The following INPP5F variants were observed in gnomAD, a reference collection of about 807,000 sequenced individuals.
INPP5F encodes the protein inositol polyphosphate-5-phosphatase F.
INPP5F carries 97 observed loss-of-function variants against 137.2 expected under a neutral mutation model. That is an observed-to-expected ratio of 0.71 (90% CI 0.60 to 0.84). The LOEUF (loss-of-function observed/expected upper bound fraction) is 0.84, where lower values mean the gene tolerates loss of function less well. Among genes scored for constraint, INPP5F ranks in the 40% least tolerant of loss-of-function variants. The pLI is 0.00. For missense variants in INPP5F, 1,271 were observed against 1,371.9 expected, an observed-to-expected ratio of 0.93 and a Z score of 1.16; for synonymous variants, 504 against 476.9, an observed-to-expected ratio of 1.06 and a Z score of -0.74.
intron 2 of INPP5F, among the ~76,000 whole-genome samples, chr10:119,762,224 G>C (rs759729562): frequency 1.3e-5 from 2 of 152,190 alleles, no homozygotes; most frequent in Non-Finnish European, 2.9e-5. Context: ...GTCATGGACT[G>C]GGTGGCTTGT....
At chr10:119,813,918 T>C (rs1036639777) in intron 15 of INPP5F, among the ~76,000 whole-genome samples, 4 of 152,222 alleles carry the variant, frequency 2.6e-5, no homozygotes, top group African/African-American at 9.7e-5. Context: ...GACATTGTGC[T>C]TCAGTTTTCT....
At chr10:119,755,823 G>A (rs931076293) in intron 2 of INPP5F, among the ~76,000 whole-genome samples, 1 of 152,174 alleles carries the variant, frequency 6.6e-6, no homozygotes, top group South Asian at 2.1e-4. Flanking sequence ...CAGTTATTGC[G>A]AAGATTTAAT....
At chr10:119,762,711 G>A (rs1027053752) in intron 2 of INPP5F, among the ~76,000 whole-genome samples, 1 of 152,158 alleles carries the variant, frequency 6.6e-6, no homozygotes, top group Non-Finnish European at 1.5e-5. Context: ...TTTTACATAA[G>A]GGACTTGAAC....
At chr10:119,813,761 C>G (rs1055431408) in intron 15 of INPP5F, among the ~76,000 whole-genome samples, 2 of 152,148 alleles carry the variant, frequency 1.3e-5, no homozygotes, top group African/African-American at 4.8e-5. Context: ...CTTGGGGACG[C>G]TGAGTTTGGA....
chr10:119,727,494 A>G (rs977732444), intron 1 of INPP5F, among the ~76,000 whole-genome samples: 30 of 152,192 alleles, frequency 2.0e-4, no homozygotes, highest in Admixed American at 1.8e-3. Flanking sequence ...GTGAGAGGTT[A>G]TTAGTAACTC....
At position 119,807,967 on chromosome 10, in the gene INPP5F, AT is replaced by A. The variant is rs752422660; in HGVS notation, c.1478del (p.Leu493TyrfsTer3). The A allele has an allele frequency of 6.2e-7, 1 of 1,613,962 alleles. No homozygotes were observed. On this transcript the variant is annotated frameshift_variant, in exon 13 of 20. Transcript: ENST00000650623. LOFTEE classifies it high-confidence loss of function. The part of the protein sequence containing the change: ...KLGVMPPEQP[L>X]PVKCNRIYQI... ...TAGGTGTGATGCCCCCGGAACAGCC[AT>A]TACCTGTGAAATGTAATCGCATCTA... is the stretch of plus-strand genomic sequence containing the variant.
At chr10:119,780,106 T>C (rs1449794315) in intron 2 of INPP5F, among the ~76,000 whole-genome samples, 1 of 152,186 alleles carries the variant, frequency 6.6e-6, no homozygotes, top group African/African-American at 2.4e-5. Flanking sequence ...CACTACGTGA[T>C]AGGAATTTTT....
chr10:119,806,397 A>AT lies in INPP5F; in HGVS notation c.1362dup (p.Arg455SerfsTer3). ...TGGGGTAATATGTAAGCAGGAAGGG[A>AT]TTTTTCGTGTTAATTGTATGGACTG... On this transcript the variant is annotated frameshift_variant, in exon 12 of 20. Transcript: ENST00000650623. LOFTEE classifies it high-confidence loss of function. 6.2e-7 allele frequency: 1 copy of AT among 1,601,864 alleles called. No individual in the cohort carries two copies. The highest frequency in any genetic ancestry group is 8.5e-7 in the Non-Finnish European group (1 of 1,173,804).
chr10:119,757,030 G>A (rs1445177353), intron 2 of INPP5F, among the ~76,000 whole-genome samples: 1 of 152,008 alleles, frequency 6.6e-6, no homozygotes, highest in African/African-American at 2.4e-5. Context: ...CAACTCAAAC[G>A]TGTCTGACTT....
At chr10:119,756,865 CAAAAAA>C (rs11415974) in intron 2 of INPP5F, among the ~76,000 whole-genome samples, 1 of 97,346 alleles carries the variant, frequency 1.0e-5, no homozygotes, top group Non-Finnish European at 1.9e-5. Flanking sequence ...AGCTCTGCCA[CAAAAAA>C]AAAAAAAAAA....
At chr10:119,728,582 A>G (rs1461266040) in intron 1 of INPP5F, among the ~76,000 whole-genome samples, 1 of 152,230 alleles carries the variant, frequency 6.6e-6, no homozygotes, top group African/African-American at 2.4e-5. Flanking sequence ...AAAGGGCAGT[A>G]TTATAAGCTC....
At chr10:119,745,565 C>T (rs1055408543) in intron 1 of INPP5F, among the ~76,000 whole-genome samples, 2 of 129,196 alleles carry the variant, frequency 1.5e-5, no homozygotes. Flanking sequence ...TTCTGAACGA[C>T]TGAAAACACG....
chr10:119,769,071 C>T (rs193291590), intron 2 of INPP5F, among the ~76,000 whole-genome samples: 1 of 152,122 alleles, frequency 6.6e-6, no homozygotes, highest in African/African-American at 2.4e-5. Flanking sequence ...AAGAGAACTT[C>T]AGTTTTATCT....
intron 2 of INPP5F, among the ~76,000 whole-genome samples, chr10:119,771,884 T>A (rs57350613): frequency 0.018 from 504 of 28,732 alleles, no homozygotes; most frequent in South Asian, 0.032. Flanking sequence ...ATATATATAT[T>A]TTTTTTTTTT....
chr10:119,816,298 G>A (rs1047488788), intron 15 of INPP5F: 15 of 152,056 alleles, frequency 9.9e-5, no homozygotes, highest in Non-Finnish European at 1.0e-4. Flanking sequence ...ATAGAGAACT[G>A]TTACCTTCTT....
chr10:119,811,632 T>C (rs899314625), intron 14 of INPP5F, 125 bp from the exon 15 acceptor site: 10 of 726,654 alleles, frequency 1.4e-5, no homozygotes, highest in Admixed American at 5.9e-5. Context: ...AATCCAAGGT[T>C]ACAAAGATTT....
chr10:119,827,443 C>A lies in INPP5F; in HGVS notation c.3062C>A (p.Thr1021Lys), dbSNP rs1851813240. ...PSQLDVSLSA[T>K]GPQFLSVEPA... is the part of the protein sequence containing the mutation. The stretch of plus-strand genomic sequence containing the variant: ...CAATTAGATGTCTCTCTTTCTGCAA[C>A]AGGCCCACAGTTTTTGTCAGTTGAG... The change falls in exon 20 of 20, where the codon ACA (threonine) becomes AAA (lysine). Residue 1021 changes from threonine (T) to lysine (K), a missense_variant. By Grantham distance (78) the Thr-to-Lys change is moderately conservative (BLOSUM62 -1). Transcript: ENST00000650623. The A allele has an allele frequency of 1.9e-6, 3 of 1,614,200 alleles. No individual in the cohort carries two copies. The highest frequency in any genetic ancestry group is 2.5e-6 in the Non-Finnish European group (3 of 1,180,036).
Position 119,797,507 on chromosome 10 carries a change from C to T in INPP5F, c.915C>T (p.Ala305=), listed in dbSNP as rs368528748. The T allele has an allele frequency of 1.7e-5, 28 of 1,612,024 alleles. No homozygotes were observed. The highest frequency in any genetic ancestry group is 2.2e-5 in the Non-Finnish European group (26 of 1,179,044). ...RRGVDKNGNV[A]NYVETEQLIH... ...GAGTGGATAAAAATGGAAATGTTGC[C>T]AATTATGTGGAGACTGAGCAGTTGA... The change falls in exon 8 of 20, where the codon GCC becomes GCT. Residue 305 remains alanine, a synonymous_variant. Transcript: ENST00000650623.
chr10:119,741,142 C>G (rs1211469161), intron 1 of INPP5F, among the ~76,000 whole-genome samples: 1 of 152,210 alleles, frequency 6.6e-6, no homozygotes, highest in Non-Finnish European at 1.5e-5. Flanking sequence ...CAGACTACAT[C>G]TATAGCACAT....
Sources: gnomAD v4.1 joint callset for allele counts (sites outside exome capture counted in the v4.1 genomes callset) on GRCh38, gnomAD v4.1.1 for gene constraint, MANE v1.5 for transcripts, NCBI Gene and HGNC (gene_info 2026-07-23, HGNC 2026-07-21) for gene names.